OPHN1: variants seen among roughly 807,000 people sequenced by gnomAD.
The protein encoded by OPHN1 is oligophrenin 1.
OPHN1 carries 11 observed loss-of-function variants against 60.7 expected under a neutral mutation model. The observed-to-expected ratio is 0.18, with a 90% CI of 0.11 to 0.30. The LOEUF (loss-of-function observed/expected upper bound fraction) is 0.30. OPHN1 is among the 10% of genes least tolerant of loss of function. The probability of loss-of-function intolerance (pLI) is 1.00; values close to 1 mark genes in which losing one functional copy is unlikely to be tolerated. For synonymous variants in OPHN1, 226 were observed against 222.6 expected (o/e 1.02, Z -0.14); for missense variants, 449 against 611.0 (o/e 0.73, Z 2.80).
chrX:68,429,679 TGCCACTGTACTCCA>T (rs1187533870), intron 2 of OPHN1, among the ~76,000 whole-genome samples: 8 of 110,847 alleles, frequency 7.2e-5, no homozygotes, highest in Non-Finnish European at 1.3e-4. Flanking sequence ...GCTATGATTG[TGCCACTGTACTCCA>T]GCCTGGGCAA....
At position 68,224,748 on chromosome X, in the gene OPHN1, C is replaced by T. The variant is rs184623577; in HGVS notation, c.486+9739G>A. Among the ~76,000 whole-genome samples, 17 of 112,112 alleles carry T rather than the reference C, an allele frequency of 1.5e-4. No individual in the cohort carries two copies. In the East Asian group the frequency reaches 3.7e-3, roughly 24 times the overall value. The stretch of plus-strand genomic sequence containing the variant: ...AAAAAATAAACATTAAAGAAGATAT[C>T]GACTGAAGGTTCCAAGATGGCTGAA... On this transcript the variant is annotated intron_variant, in intron 6 of 24. Coordinates refer to ENST00000355520, the MANE Select transcript of OPHN1 (RefSeq NM_002547.3).
chrX:68,270,285 C>T (rs1227612386), intron 5 of OPHN1, among the ~76,000 whole-genome samples: 2 of 110,754 alleles, frequency 1.8e-5, no homozygotes, highest in Non-Finnish European at 3.8e-5. Context: ...AAGACACATG[C>T]ACACATATGT....
At chrX:68,126,791 T>G (rs1267258633) in intron 15 of OPHN1, among the ~76,000 whole-genome samples, 1 of 112,227 alleles carries the variant, frequency 8.9e-6, no homozygotes, top group Non-Finnish European at 1.9e-5. Context: ...ACAGTATTCA[T>G]AGAGGATTGC....
chrX:68,242,231 A>G (rs913497250), intron 5 of OPHN1, among the ~76,000 whole-genome samples: 1 of 107,116 alleles, frequency 9.3e-6, no homozygotes, highest in African/African-American at 3.4e-5. Context: ...AAAAAAAAAA[A>G]AAAAAGCTGG....
intron 5 of OPHN1, among the ~76,000 whole-genome samples, chrX:68,242,697 A>T (rs2077787410): frequency 9.0e-6 from 1 of 111,570 alleles, no homozygotes; most frequent in Non-Finnish European, 1.9e-5. Flanking sequence ...ATGGACAAAA[A>T]ATATGTGGTA....
chrX:68,224,569 T>C (rs1263993339), intron 6 of OPHN1, among the ~76,000 whole-genome samples: 2 of 112,114 alleles, frequency 1.8e-5, no homozygotes, highest in East Asian at 2.8e-4. Context: ...AATTTAATAT[T>C]TGTGGGCAAC....
At chrX:68,315,744 A>C (rs1282638144) in intron 2 of OPHN1, among the ~76,000 whole-genome samples, 1 of 111,769 alleles carries the variant, frequency 8.9e-6, no homozygotes, top group Non-Finnish European at 1.9e-5. Flanking sequence ...CACAAAAAAA[A>C]CAGTTGCATT....
rs744217 is a variant in OPHN1, at chrX:68,194,285, T to C, written c.1138+180A>G. ...ACCCACGATGTAAGCTAACACCAAG[T>C]GTCTACCTTAGTTCAATTACCAGAC... is the stretch of plus-strand genomic sequence containing the variant. On this transcript the variant is annotated intron_variant, in intron 13 of 24. Transcript: ENST00000355520. Among the ~76,000 whole-genome samples, 6,440 of 112,267 alleles carry C rather than the reference T, an allele frequency of 0.057. 464 individuals are homozygous for C. The highest frequency in any genetic ancestry group is 0.2 in the African/African-American group (6,133 of 30,762).
Position 68,084,061 on chromosome X carries a change from C to T in OPHN1, c.1687-10762G>A, listed in dbSNP as rs139412984. Among the ~76,000 whole-genome samples, 227 of 110,465 alleles carry T rather than the reference C, an allele frequency of 2.1e-3. 2 individuals are homozygous for T. In the East Asian group the frequency reaches 0.047, roughly 23 times the overall value. ...ATGTAACACAGAGACAAGAAGTGAG[C>T]CCATGCTGTTGGACAAATGGCTCTG... On this transcript the variant is annotated intron_variant, in intron 19 of 24. Transcript: ENST00000355520.
chrX:68,071,348 C>A, intron 20 of OPHN1: 1 of 727,094 alleles, frequency 1.4e-6, no homozygotes, highest in Non-Finnish European at 2.2e-6. Flanking sequence ...TTGGCGGGCT[C>A]ACTTTAACCT....
At chrX:68,296,166 C>T (rs141333433) in intron 3 of OPHN1, among the ~76,000 whole-genome samples, 328 of 111,535 alleles carry the variant, frequency 2.9e-3, no homozygotes, top group African/African-American at 9.9e-3. Flanking sequence ...CAATTCCCAG[C>T]TTTCAAAATG....
intron 2 of OPHN1, among the ~76,000 whole-genome samples, chrX:68,386,236 A>G (rs774956140): frequency 8.9e-6 from 1 of 111,785 alleles, no homozygotes; most frequent in Admixed American, 9.6e-5. Context: ...AAAGAAGAAC[A>G]TCAAAGCTTT....
At chrX:68,205,587 G>T (rs1230575130) in intron 10 of OPHN1, among the ~76,000 whole-genome samples, 1 of 111,801 alleles carries the variant, frequency 8.9e-6, no homozygotes, top group African/African-American at 3.3e-5. Context: ...GTGGTTAAAA[G>T]ACCACTCTCA....
intron 2 of OPHN1, among the ~76,000 whole-genome samples, chrX:68,386,434 T>C (rs2078624854): frequency 8.9e-6 from 1 of 112,139 alleles, no homozygotes; most frequent in African/African-American, 3.2e-5. Context: ...ATAAACCTTT[T>C]CTTTTAAAGA....
At position 68,228,957 on chromosome X, in the gene OPHN1, T is replaced by A. The variant is rs746081470; in HGVS notation, c.486+5530A>T. Among the ~76,000 whole-genome samples, 9 of 110,584 alleles carry A rather than the reference T, an allele frequency of 8.1e-5. No individual in the cohort carries two copies. In the South Asian group the frequency reaches 1.2e-3, roughly 14 times the overall value. On this transcript the variant is annotated intron_variant, in intron 6 of 24. Transcript: ENST00000355520. ...AAATAAAGGGTATTCAATTAGGAAA[T>A]GAGGAAGTCAAATTGTCCCTGTTTG...
intron 5 of OPHN1, among the ~76,000 whole-genome samples, chrX:68,258,570 G>A (rs1024057360): frequency 5.6e-5 from 6 of 108,042 alleles, no homozygotes; most frequent in Admixed American, 3.0e-4. Flanking sequence ...AGCTTCATCC[G>A]TGTCCCTACA....
intron 15 of OPHN1, among the ~76,000 whole-genome samples, chrX:68,191,386 C>A (rs1168016310): frequency 9.0e-6 from 1 of 111,665 alleles, no homozygotes; most frequent in Non-Finnish European, 1.9e-5. Flanking sequence ...GTGCAGTGGG[C>A]AAGTGAATAT....
At chrX:68,300,024 C>T (rs1386105894) in intron 2 of OPHN1, among the ~76,000 whole-genome samples, 2 of 111,428 alleles carry the variant, frequency 1.8e-5, no homozygotes, top group Admixed American at 9.6e-5. Context: ...TATCCAAGCC[C>T]CAGGGCATTC....
chrX:68,230,670 A>T (rs990101198), intron 6 of OPHN1, among the ~76,000 whole-genome samples: 31 of 106,506 alleles, frequency 2.9e-4, no homozygotes, highest in South Asian at 8.9e-4. Flanking sequence ...AAGGACAGAA[A>T]ACCAAATACT....
Sources: gnomAD v4.1 joint callset for allele counts (sites outside exome capture counted in the v4.1 genomes callset) on GRCh38, gnomAD v4.1.1 for gene constraint, MANE v1.5 for transcripts, NCBI Gene and HGNC (gene_info 2026-07-23, HGNC 2026-07-21) for gene names.